NPC1: variants seen among roughly 807,000 people sequenced by gnomAD.
NPC1 encodes the protein Niemann-Pick C1 protein.
A neutral mutation model predicts 140.4 loss-of-function variants in NPC1; 85 were observed. That is an observed-to-expected ratio of 0.61 (90% CI 0.51 to 0.72). The LOEUF (loss-of-function observed/expected upper bound fraction) is 0.72. Ranked by LOEUF, NPC1 falls within the 30% of genes least tolerant of loss-of-function variation. NPC1 has a pLI of 0.00. For missense variants in NPC1, 1,504 were observed against 1,623.8 expected, an observed-to-expected ratio of 0.93 and a Z score of 1.27; for synonymous variants, 656 against 624.8, an observed-to-expected ratio of 1.05 and a Z score of -0.74.
At chr18:23,537,434 C>T (rs2058648689) in intron 20 of NPC1, among the ~76,000 whole-genome samples, 1 of 152,190 alleles carries the variant, frequency 6.6e-6, no homozygotes, top group Non-Finnish European at 1.5e-5. Context: ...GTTTCTCCAC[C>T]TGGTTTCATG....
intron 4 of NPC1, among the ~76,000 whole-genome samples, chr18:23,563,140 G>A (rs1315218113): frequency 7.2e-5 from 11 of 152,292 alleles, no homozygotes; most frequent in Admixed American, 3.3e-4. Flanking sequence ...GGTCTTTCAT[G>A]ACCGGCTTCT....
intron 1 of NPC1, chr18:23,524,038 A>G: frequency 7.6e-7 from 1 of 1,315,892 alleles, no homozygotes; most frequent in East Asian, 2.3e-5. Flanking sequence ...TTTCGTAATG[A>G]CATTAAAAAG....
Position 23,569,071 on chromosome 18 carries a change from CAAAG to C in NPC1, c.288-77_288-74del, listed in dbSNP as rs2059166502. 2.9e-6 allele frequency: 3 copies of C among 1,043,224 alleles called. No homozygotes were observed. In the Admixed American group the frequency reaches 5.5e-5, roughly 19 times the overall value. 64.6% of individuals were successfully genotyped at this position (1,043,224 alleles called of 1,614,324 possible). On this transcript the variant is annotated intron_variant, in intron 3 of 24. Coordinates refer to ENST00000269228, the MANE Select transcript of NPC1 (RefSeq NM_000271.5). ...GCCAGCAAGAACGATTTTAAATAGA[CAAAG>C]AATATTTTAAACTTACTGTAAAGTG...
chr18:23,532,392 A>G, intron 24 of NPC1, 108 bp from the exon 25 acceptor site: 1 of 1,237,002 alleles, frequency 8.1e-7, no homozygotes, highest in Non-Finnish European at 1.2e-6. Flanking sequence ...GAGGCAGGAG[A>G]ATTGCTTGAG....
chr18:23,547,940 G>T, intron 11 of NPC1, 66 bp downstream of exon 11: 1 of 944,092 alleles, frequency 1.1e-6, no homozygotes, highest in Non-Finnish European at 1.8e-6. Context: ...AAGTTTAAGT[G>T]CTTGCCGCAA....
chr18:23,529,384 A>T (rs1428866788), downstream of NPC1: 2 of 1,502,228 alleles, frequency 1.3e-6, no homozygotes, highest in African/African-American at 2.8e-5. Flanking sequence ...ATGTGATTAG[A>T]GTCACTTGAA....
At chr18:23,530,917 C>G (rs540712961), downstream of NPC1, among the ~76,000 whole-genome samples, 1 of 152,088 alleles carries the variant, frequency 6.6e-6, no homozygotes. Context: ...AGGAATAAGA[C>G]GGCAAATGGT....
chr18:23,545,055 C>G lies in NPC1; in HGVS notation c.1852G>C (p.Asp618His), dbSNP rs762223877. 4 of 1,609,512 alleles carry G rather than the reference C, an allele frequency of 2.5e-6. No individual in the cohort carries two copies. The highest frequency in any genetic ancestry group is 3.4e-6 in the Non-Finnish European group (4 of 1,176,838). Residue 618 changes from aspartate (D) to histidine (H), a missense_variant, in exon 12 of 25, where the codon GAC becomes CAC. Physicochemically the swap from Asp to His is moderately conservative, Grantham distance 81 (BLOSUM62 -1). Transcript: ENST00000269228. Reference sequence around the variant, plus strand: ...ATTACAACGGTGAAGACATCACTGTCACTTTCACGATTTAGTTCATCTTCA... The same window carrying G: ...ATTACAACGGTGAAGACATCACTGTGACTTTCACGATTTAGTTCATCTTCA... The part of the protein sequence containing the change: ...SIEDELNRES[D>H]SDVFTVVISY...
downstream of NPC1, chr18:23,526,572 A>G: frequency 6.3e-7 from 1 of 1,579,594 alleles, no homozygotes. Context: ...GTTTAGGGGA[A>G]CCACTTTTGG....
At chr18:23,586,238 G>A in intron 1 of NPC1, 49 bp downstream of exon 1, 1 of 1,522,404 alleles carries the variant, frequency 6.6e-7, no homozygotes, top group Non-Finnish European at 8.8e-7. Context: ...CCCGGCTCTC[G>A]GCCCCGCCAC....
downstream of NPC1, among the ~76,000 whole-genome samples, chr18:23,521,695 CT>C (rs371988848): frequency 5.3e-4 from 41 of 77,900 alleles, no homozygotes; most frequent in Non-Finnish European, 5.6e-4. Flanking sequence ...CACTCTCTCT[CT>C]TTTTTTTTTT....
downstream of NPC1, among the ~76,000 whole-genome samples, chr18:23,519,491 C>T (rs1226932160): frequency 6.6e-6 from 1 of 150,806 alleles, no homozygotes; most frequent in Non-Finnish European, 1.5e-5. Context: ...GCACTCCAGC[C>T]TGGGTGATGG....
At chr18:23,519,752 G>C (rs1028954800), downstream of NPC1, among the ~76,000 whole-genome samples, 3 of 152,212 alleles carry the variant, frequency 2.0e-5, no homozygotes, top group Non-Finnish European at 1.5e-5. Context: ...TGAACTCTCT[G>C]TTGCAATTGT....
intron 14 of NPC1, among the ~76,000 whole-genome samples, chr18:23,542,330 T>G (rs1450061838): frequency 6.6e-6 from 1 of 151,846 alleles, no homozygotes. Flanking sequence ...AGCACATGGC[T>G]TTGTGGAGAT....
At chr18:23,581,905 C>A (rs186717088) in intron 1 of NPC1, 1 of 152,122 alleles carries the variant, frequency 6.6e-6, no homozygotes, top group African/African-American at 2.4e-5. Context: ...TGTATCCAGC[C>A]TTCCCCCCAT....
chr18:23,569,100 G>A, intron 3 of NPC1, 102 bp from the exon 4 acceptor site: 2 of 814,230 alleles, frequency 2.5e-6, no homozygotes, highest in East Asian at 2.7e-5. Context: ...ACTGTAAAGT[G>A]ACAAATTACC....
In NPC1 at chr18:23,568,972, A is replaced by G. The variant is rs2059164911; in HGVS notation, c.314T>C (p.Leu105Pro). ...SRCPSCFYNL[L>P]NLFCELTCSP... is the part of the protein sequence containing the mutation. ...ACATGTCAGCTCACAAAACAGGTTC[A>G]GTAGGTTATAAAAACAGGATGGACA... Residue 105 changes from leucine to proline, a missense_variant, in exon 4 of 25, where the codon CTG becomes CCG. By Grantham distance (98) the Leu-to-Pro change is moderately conservative. Coordinates refer to ENST00000269228, the MANE Select transcript of NPC1 (RefSeq NM_000271.5). 1 of 1,613,908 alleles carries G rather than the reference A, an allele frequency of 6.2e-7. No individual in the cohort carries two copies. Among genetic ancestry groups the G allele is most frequent in the East Asian group, 2.2e-5 (1 of 44,874 alleles).
Position 23,560,450 on chromosome 18 carries a change from T to C in NPC1, c.662A>G (p.Asn221Ser). 6.2e-7 allele frequency: 1 copy of C among 1,614,186 alleles called. No individual in the cohort carries two copies. Among genetic ancestry groups the C allele is most frequent in the Non-Finnish European group, 8.5e-7 (1 of 1,180,044 alleles). The change falls in exon 6 of 25, where the codon AAC (asparagine) becomes AGC (serine). Residue 221 changes from asparagine to serine, a missense_variant. Transcript: ENST00000269228. ...DFPVHGMEPMNNATKGCDESV... is the reference protein window; with the variant it reads ...DFPVHGMEPMSNATKGCDESV... The stretch of plus-strand genomic sequence containing the variant: ...CTCGTCACAGCCTTTGGTGGCATTG[T>C]TCATGGGCTCCATCCCATGGACTGG...
intron 17 of NPC1, 71 bp downstream of exon 17, chr18:23,540,377 G>C: frequency 1.0e-6 from 1 of 999,626 alleles, no homozygotes; most frequent in Non-Finnish European, 1.5e-6. Flanking sequence ...ACACCTACGT[G>C]CATGTTTTGA....
Sources: gnomAD v4.1 joint callset for allele counts (sites outside exome capture counted in the v4.1 genomes callset) on GRCh38, gnomAD v4.1.1 for gene constraint, MANE v1.5 for transcripts, NCBI Gene and HGNC (gene_info 2026-07-23, HGNC 2026-07-21) for gene names.